Variants in SLC6A5 observed in about 807,000 individuals in gnomAD.
SLC6A5 encodes solute carrier family 6 member 5.
A neutral mutation model predicts 90.5 loss-of-function variants in SLC6A5; 58 were observed. The observed-to-expected ratio is 0.64, with a 90% CI of 0.52 to 0.80. The LOEUF (loss-of-function observed/expected upper bound fraction) is 0.80, where lower values mean the gene tolerates loss of function less well. Among genes scored for constraint, SLC6A5 ranks in the 30% least tolerant of loss-of-function variants. The pLI is 0.00. For missense variants in SLC6A5, 1,015 were observed against 1,017.6 expected, an observed-to-expected ratio of 1.00 and a Z score of 0.03; for synonymous variants, 427 against 401.4, an observed-to-expected ratio of 1.06 and a Z score of -0.76.
At chr11:20,624,600 G>A (rs1220587598) in intron 7 of SLC6A5, among the ~76,000 whole-genome samples, 2 of 152,148 alleles carry the variant, frequency 1.3e-5, no homozygotes, top group Admixed American at 6.5e-5. Context: ...GACAGCGTGC[G>A]GCAGGTGCCC....
chr11:20,648,734 C>T (rs1420872727), intron 14 of SLC6A5, among the ~76,000 whole-genome samples: 1 of 152,170 alleles, frequency 6.6e-6, no homozygotes, highest in Admixed American at 6.5e-5. Flanking sequence ...TTTCCTCTTG[C>T]TTTTCTTCCC....
intron 14 of SLC6A5, among the ~76,000 whole-genome samples, chr11:20,648,349 C>T (rs1224120721): frequency 6.6e-6 from 1 of 152,092 alleles, no homozygotes; most frequent in Non-Finnish European, 1.5e-5. Flanking sequence ...TTAATCAAAA[C>T]ATCTCAATTT....
At chr11:20,654,571 G>T in intron 15 of SLC6A5, 142 bp from the exon 16 acceptor site, 1 of 759,204 alleles carries the variant, frequency 1.3e-6, no homozygotes, top group East Asian at 2.5e-5. Flanking sequence ...CTTCCTAACT[G>T]CCTCTCTTGG....
At chr11:20,647,481 C>CTA (rs1216826749) in intron 14 of SLC6A5, among the ~76,000 whole-genome samples, 58 of 141,822 alleles carry the variant, frequency 4.1e-4, no homozygotes, top group South Asian at 2.7e-3. Context: ...ATATCAGTTC[C>CTA]TATATATATA....
chr11:20,631,527 C>G (rs545601710), intron 10 of SLC6A5, among the ~76,000 whole-genome samples: 5 of 152,294 alleles, frequency 3.3e-5, no homozygotes, highest in African/African-American at 1.2e-4. Context: ...CAGCATTTTG[C>G]AGAGAAAGCA....
chr11:20,654,599 C>G (rs747439086), intron 15 of SLC6A5, 114 bp from the exon 16 acceptor site: 37 of 1,034,202 alleles, frequency 3.6e-5, no homozygotes, highest in Middle Eastern at 2.9e-4. Flanking sequence ...CCTCTTGGCT[C>G]AAGCAAGGAC....
chr11:20,606,803 T>A (rs1270981236), intron 3 of SLC6A5, among the ~76,000 whole-genome samples: 1 of 152,200 alleles, frequency 6.6e-6, no homozygotes, highest in East Asian at 1.9e-4. Flanking sequence ...TTTGCATGGG[T>A]ACCCTTATAC....
chr11:20,633,860 G>C (rs1325791904), intron 10 of SLC6A5, among the ~76,000 whole-genome samples: 1 of 152,060 alleles, frequency 6.6e-6, no homozygotes, highest in African/African-American at 2.4e-5. Context: ...CTAGCAAGAG[G>C]TACAGCCAGT....
intron 15 of SLC6A5, 61 bp downstream of exon 15, chr11:20,652,517 G>A: frequency 1.3e-6 from 2 of 1,509,698 alleles, no homozygotes; most frequent in Admixed American, 3.3e-5. Context: ...TAAAAGCTCT[G>A]CATGTTAAAA....
At chr11:20,653,695 A>T (rs375149440) in intron 15 of SLC6A5, among the ~76,000 whole-genome samples, 13 of 152,326 alleles carry the variant, frequency 8.5e-5, no homozygotes, top group African/African-American at 3.1e-4. Flanking sequence ...AAATTCTGTT[A>T]TTCCCTTGAG....
chr11:20,626,879 G>C (rs758091630), intron 8 of SLC6A5, 37 bp downstream of exon 8: 1 of 1,598,674 alleles, frequency 6.3e-7, no homozygotes. Flanking sequence ...AGCCCTGGGG[G>C]AGTGGCCCTC....
chr11:20,607,577 T>C lies in SLC6A5; in HGVS notation c.910T>C (p.Ser304Pro), dbSNP rs1242688293. ...TLFYLFASFVSVLPWGSCNNP... is the reference protein window; with the variant it reads ...TLFYLFASFVPVLPWGSCNNP... Reference sequence around the variant, plus strand: ...TTTCTACCTGTTTGCCTCCTTTGTGTCTGTACTACCCTGGGGCTCCTGCAA... The same window carrying C: ...TTTCTACCTGTTTGCCTCCTTTGTGCCTGTACTACCCTGGGGCTCCTGCAA... The change falls in exon 5 of 16, where the codon TCT becomes CCT. Residue 304 changes from serine to proline, a missense_variant. By Grantham distance (74) the Ser-to-Pro change is moderately conservative (BLOSUM62 -1). Coordinates refer to ENST00000525748, the MANE Select transcript of SLC6A5 (RefSeq NM_004211.5). The C allele has an allele frequency of 6.2e-7, 1 of 1,614,164 alleles. No homozygotes were observed. The highest frequency in any genetic ancestry group is 1.7e-5 in the Admixed American group (1 of 60,030).
At chr11:20,619,141 T>C (rs1209395292) in intron 7 of SLC6A5, among the ~76,000 whole-genome samples, 1 of 151,830 alleles carries the variant, frequency 6.6e-6, no homozygotes, top group East Asian at 1.9e-4. Context: ...GGTTGTGGAG[T>C]TGAGATTTGG....
Position 20,599,642 on chromosome 11 carries a change from C to T in SLC6A5, c.-31C>T. 1 of 1,614,158 alleles carries T rather than the reference C, an allele frequency of 6.2e-7. No individual in the cohort carries two copies. Among genetic ancestry groups the T allele is most frequent in the Non-Finnish European group, 8.5e-7 (1 of 1,179,970 alleles). On this transcript the variant is annotated 5_prime_UTR_variant, in exon 1 of 16. Transcript: ENST00000525748. ...TCTTGTCAATAGCGGGTTTCACCCT[C>T]CACCAGTTCAGTCTGTTGCCTGTGT...
At chr11:20,631,231 TAGTG>T (rs1286940202) in intron 10 of SLC6A5, among the ~76,000 whole-genome samples, 1 of 152,320 alleles carries the variant, frequency 6.6e-6, no homozygotes, top group African/African-American at 2.4e-5. Flanking sequence ...AACCAAGGCT[TAGTG>T]AGAGAACTGA....
intron 13 of SLC6A5, among the ~76,000 whole-genome samples, chr11:20,643,870 G>A (rs77755821): frequency 3.9e-5 from 6 of 152,170 alleles, no homozygotes; most frequent in Non-Finnish European, 5.9e-5. Flanking sequence ...CTGTACATGA[G>A]GGGTGGCTGA....
Position 20,607,504 on chromosome 11 carries a change from C to T in SLC6A5, c.837C>T (p.Ile279=). Residue 279 remains isoleucine (I), a synonymous_variant, in exon 5 of 16, where the codon ATC becomes ATT. Transcript: ENST00000525748. ...GCTGTGGCATCGCGATGCTGATCAT[C>T]TCTGTCCTAATAGCCATATACTACA... ...LQGCGIAMLI[I]SVLIAIYYNV... is the part of the protein sequence containing the mutation. The T allele has an allele frequency of 6.2e-7, 1 of 1,614,186 alleles. No homozygotes were observed. The highest frequency in any genetic ancestry group is 8.5e-7 in the Non-Finnish European group (1 of 1,180,028).
intron 15 of SLC6A5, among the ~76,000 whole-genome samples, chr11:20,653,930 A>C (rs1218973732): frequency 6.6e-6 from 1 of 152,260 alleles, no homozygotes; most frequent in Admixed American, 6.5e-5. Context: ...CTGATGATTA[A>C]GGAGAGATTA....
chr11:20,653,943 C>T lies in SLC6A5; in HGVS notation c.2239-770C>T, dbSNP rs144675328. Among the ~76,000 whole-genome samples the T allele has an allele frequency of 5.9e-5, 9 of 152,322 alleles. No individual in the cohort carries two copies. The East Asian group carries it at 1.7e-3, about 29-fold the overall frequency. On this transcript the variant is annotated intron_variant, in intron 15 of 15. Coordinates refer to ENST00000525748, the MANE Select transcript of SLC6A5 (RefSeq NM_004211.5). ...AACTGATGATTAAGGAGAGATTAAA[C>T]TAACAGCTCTAAGTACCAGCTTCAC... is the stretch of plus-strand genomic sequence containing the variant.
Sources: gnomAD v4.1 joint callset for allele counts (sites outside exome capture counted in the v4.1 genomes callset) on GRCh38, gnomAD v4.1.1 for gene constraint, MANE v1.5 for transcripts, NCBI Gene and HGNC (gene_info 2026-07-23, HGNC 2026-07-21) for gene names.